Variants in PCCA observed in about 807,000 individuals in gnomAD.
PCCA encodes propionyl-CoA carboxylase alpha chain, mitochondrial.
In PCCA, 74 loss-of-function variants were observed where a neutral mutation model predicts 101.3. That is an observed-to-expected ratio of 0.73 (90% confidence interval 0.61 to 0.89). The LOEUF (loss-of-function observed/expected upper bound fraction) is 0.89. Ranked by LOEUF, PCCA falls within the 40% of genes least tolerant of loss-of-function variation. The pLI is 0.00. For missense variants in PCCA, 891 were observed against 907.0 expected (o/e 0.98, Z 0.23); for synonymous variants, 294 against 313.6 (o/e 0.94, Z 0.66).
In PCCA at chr13:100,151,047, C is replaced by T. The variant is rs1187978226; in HGVS notation, c.301-3932C>T. 8 of 1,557,038 alleles carry T rather than the reference C, an allele frequency of 5.1e-6. No individual in the cohort carries two copies. In the Admixed American group the frequency reaches 1.3e-4, roughly 26 times the overall value. ...ACCCTCAGAAGAAAGCGCATGACAT[C>T]AGACTGCTGCTTTCTCCGTAGCTCC... On this transcript the variant is annotated intron_variant, in intron 4 of 23. Transcript: ENST00000376285.
At chr13:100,331,541 TTACAA>T (rs1434617258) in intron 17 of PCCA, among the ~76,000 whole-genome samples, 1 of 152,186 alleles carries the variant, frequency 6.6e-6, no homozygotes, top group Admixed American at 6.5e-5. Flanking sequence ...AGTTCAGAAT[TTACAA>T]TACAGAGTTT....
intron 19 of PCCA, among the ~76,000 whole-genome samples, chr13:100,380,850 G>A (rs2076184384): frequency 6.6e-6 from 1 of 152,154 alleles, no homozygotes; most frequent in African/African-American, 2.4e-5. Context: ...TTTCAGTAAA[G>A]CACTTGTGTT....
At chr13:100,386,974 A>T (rs889547768) in intron 19 of PCCA, among the ~76,000 whole-genome samples, 2 of 152,184 alleles carry the variant, frequency 1.3e-5, no homozygotes, top group Non-Finnish European at 2.9e-5. Flanking sequence ...GGTCTGTAAG[A>T]TGGAGCAGTG....
At chr13:100,210,240 A>G (rs7339196) in intron 7 of PCCA, among the ~76,000 whole-genome samples, 21,641 of 152,224 alleles carry the variant, frequency 0.14, 1,686 homozygotes, top group Middle Eastern at 0.22. Flanking sequence ...GGCCTTCCCA[A>G]GTGTTGGGAT....
rs9557445 is a variant in PCCA, at chr13:100,513,446, T to C, written c.1900-1981T>C. Among the ~76,000 whole-genome samples the C allele has an allele frequency of 2.8e-3, 427 of 152,346 alleles. 17 individuals are homozygous for C. In the East Asian group the frequency reaches 0.055, roughly 19 times the overall value. ...AAAGGCATTGAGTTTGTGATTCTTTTACATCTCTTTCCAAGCAAAGCAGGA... is the reference window on the plus strand; with the variant it reads ...AAAGGCATTGAGTTTGTGATTCTTTCACATCTCTTTCCAAGCAAAGCAGGA... On this transcript the variant is annotated intron_variant, in intron 21 of 23. Coordinates refer to ENST00000376285, the MANE Select transcript of PCCA (RefSeq NM_000282.4).
chr13:100,479,853 G>A (rs2083740857), intron 21 of PCCA: 1 of 152,092 alleles, frequency 6.6e-6, no homozygotes, highest in Non-Finnish European at 1.5e-5. Context: ...CTTTAACTGT[G>A]TCAGTGGAGC....
At chr13:100,110,799 T>TTTTG (rs2048238952) in intron 2 of PCCA, among the ~76,000 whole-genome samples, 1 of 152,042 alleles carries the variant, frequency 6.6e-6, no homozygotes. Flanking sequence ...AAAGTGTTTT[T>TTTTG]TTTGTTTATT....
At chr13:100,301,751 G>T in intron 13 of PCCA, 148 bp downstream of exon 13, 2 of 958,770 alleles carry the variant, frequency 2.1e-6, no homozygotes, top group Non-Finnish European at 1.7e-6. Context: ...AAAAAAATTA[G>T]ATAATTTTGA....
chr13:100,478,609 T>G (rs1463671304), intron 21 of PCCA, among the ~76,000 whole-genome samples: 1 of 152,138 alleles, frequency 6.6e-6, no homozygotes, highest in Non-Finnish European at 1.5e-5. Flanking sequence ...GACGCCATGA[T>G]GAGGAGGAAA....
intron 19 of PCCA, among the ~76,000 whole-genome samples, chr13:100,422,147 T>TCTTTC (rs1567109988): frequency 6.9e-6 from 1 of 145,974 alleles, no homozygotes; most frequent in African/African-American, 2.6e-5. Context: ...TTTTTTTTTT[T>TCTTTC]TTTTTGACAG....
chr13:100,384,282 T>G (rs2076386807), intron 19 of PCCA, among the ~76,000 whole-genome samples: 1 of 152,232 alleles, frequency 6.6e-6, no homozygotes, highest in Non-Finnish European at 1.5e-5. Context: ...CGCTTCAGCC[T>G]CCCAAAGTTT....
At chr13:100,249,355 A>G (rs1037764450) in intron 8 of PCCA, among the ~76,000 whole-genome samples, 4 of 152,210 alleles carry the variant, frequency 2.6e-5, no homozygotes, top group Non-Finnish European at 4.4e-5. Flanking sequence ...TGGAAAGACT[A>G]TCTGCATTTA....
intron 6 of PCCA, among the ~76,000 whole-genome samples, chr13:100,190,211 G>C (rs1047232098): frequency 6.6e-6 from 1 of 152,162 alleles, no homozygotes; most frequent in Non-Finnish European, 1.5e-5. Context: ...ATCTTTGATG[G>C]CTGTTATTGC....
intron 7 of PCCA, among the ~76,000 whole-genome samples, 170 bp downstream of exon 7, chr13:100,209,633 A>T (rs1274566713): frequency 6.6e-6 from 1 of 152,000 alleles, no homozygotes; most frequent in Non-Finnish European, 1.5e-5. Context: ...TTTTACATTT[A>T]TTTATTTATT....
At position 100,425,699 on chromosome 13, in the gene PCCA, G is replaced by A; in HGVS notation, c.1813G>A (p.Val605Ile). The stretch of plus-strand genomic sequence containing the variant: ...GAACCTGGCTTCGCCCTTATTGTCT[G>A]TCAGCGTTGATGGCACTCAGAGGAC... The part of the protein sequence containing the change: ...TWNLASPLLS[V>I]SVDGTQRTVQ... Residue 605 changes from valine to isoleucine, a missense_variant, in exon 20 of 24, where the codon GTC becomes ATC. Val to Ile is a conservative substitution (Grantham distance 29). Coordinates refer to ENST00000376285, the MANE Select transcript of PCCA (RefSeq NM_000282.4). 1 of 1,613,982 alleles carries A rather than the reference G, an allele frequency of 6.2e-7. No individual in the cohort carries two copies. The highest frequency in any genetic ancestry group is 8.5e-7 in the Non-Finnish European group (1 of 1,179,828).
chr13:100,482,795 C>T (rs183118508), intron 21 of PCCA, among the ~76,000 whole-genome samples: 162 of 152,086 alleles, frequency 1.1e-3, no homozygotes, highest in African/African-American at 3.0e-3. Context: ...TCGGGGCGGG[C>T]GGATCATTTG....
intron 6 of PCCA, among the ~76,000 whole-genome samples, chr13:100,177,499 C>T (rs966596149): frequency 6.6e-6 from 1 of 152,034 alleles, no homozygotes; most frequent in African/African-American, 2.4e-5. Context: ...ATTTAGTAAA[C>T]ATATTAGATT....
intron 21 of PCCA, among the ~76,000 whole-genome samples, chr13:100,495,077 A>G (rs1593996809): frequency 6.6e-6 from 1 of 151,894 alleles, no homozygotes; most frequent in Admixed American, 6.6e-5. Context: ...CAATGTCTGG[A>G]GACATACTTG....
At chr13:100,314,522 G>A (rs1198914238) in intron 16 of PCCA, among the ~76,000 whole-genome samples, 2 of 152,010 alleles carry the variant, frequency 1.3e-5, no homozygotes, top group African/African-American at 4.8e-5. Flanking sequence ...GGATCCTCTG[G>A]CCACCTGCTC....
Sources: gnomAD v4.1 joint callset for allele counts (sites outside exome capture counted in the v4.1 genomes callset) on GRCh38, gnomAD v4.1.1 for gene constraint, MANE v1.5 for transcripts, NCBI Gene and HGNC (gene_info 2026-07-23, HGNC 2026-07-21) for gene names.